The following DGKB variants were observed in gnomAD, a reference collection of about 807,000 sequenced individuals.
DGKB encodes 90 kDa diacylglycerol kinase.
DGKB carries 67 observed loss-of-function variants against 114.3 expected under a neutral mutation model. The ratio of observed to expected loss-of-function variants is 0.59; its 90% confidence interval spans 0.48 to 0.72. The LOEUF (loss-of-function observed/expected upper bound fraction) is 0.72. DGKB is among the 30% of genes least tolerant of loss of function. The pLI is 0.00. For synonymous variants in DGKB, 398 were observed against 323.1 expected (o/e 1.23, Z -2.49); for missense variants, 907 against 975.2 (o/e 0.93, Z 0.93).
intron 6 of DGKB, among the ~76,000 whole-genome samples, chr7:14,711,512 T>C (rs180883379): frequency 1.3e-5 from 2 of 152,172 alleles, no homozygotes; most frequent in African/African-American, 4.8e-5. Context: ...ACCACTATAG[T>C]AACAGTAAGA....
chr7:14,481,620 A>G (rs1783003456), intron 20 of DGKB, among the ~76,000 whole-genome samples: 1 of 151,990 alleles, frequency 6.6e-6, no homozygotes, highest in Non-Finnish European at 1.5e-5. Context: ...AATTTAGCCA[A>G]TTAGAAATGA....
intron 9 of DGKB, among the ~76,000 whole-genome samples, chr7:14,691,263 T>G (rs1490019852): frequency 1.3e-5 from 2 of 152,200 alleles, no homozygotes; most frequent in East Asian, 1.9e-4. Flanking sequence ...TCAAATACAC[T>G]GTGGTATTTT....
chr7:14,513,201 C>T (rs571159489), intron 20 of DGKB, among the ~76,000 whole-genome samples: 2 of 151,910 alleles, frequency 1.3e-5, no homozygotes, highest in East Asian at 3.9e-4. Context: ...AAGACAGAAC[C>T]CATACTTTAT....
At chr7:14,855,648 TCA>T (rs1850039576) in intron 1 of DGKB, among the ~76,000 whole-genome samples, 3 of 152,312 alleles carry the variant, frequency 2.0e-5, no homozygotes, top group Middle Eastern at 6.8e-3. Flanking sequence ...AAGGAAAGTC[TCA>T]GTTATTGCTT....
intron 23 of DGKB, among the ~76,000 whole-genome samples, chr7:14,275,607 G>T (rs979463835): frequency 6.6e-6 from 1 of 152,118 alleles, no homozygotes; most frequent in Non-Finnish European, 1.5e-5. Flanking sequence ...GTCTCTGCTC[G>T]CTAGAAAGGC....
chr7:14,911,348 G>A (rs890282569), intron 1 of DGKB, among the ~76,000 whole-genome samples: 3 of 152,032 alleles, frequency 2.0e-5, no homozygotes, highest in African/African-American at 7.2e-5. Flanking sequence ...ATATTCTGGT[G>A]TTGGAGTATA....
intron 6 of DGKB, among the ~76,000 whole-genome samples, chr7:14,706,977 T>C (rs1275823948): frequency 1.3e-5 from 2 of 148,286 alleles, no homozygotes; most frequent in African/African-American, 5.0e-5. Flanking sequence ...AGAGCAGAAC[T>C]GAAGGAAATA....
At chr7:14,880,227 A>G (rs10281892) in intron 1 of DGKB, among the ~76,000 whole-genome samples, 38,562 of 89,304 alleles carry the variant, frequency 0.43, 5,672 homozygotes, top group South Asian at 0.59. Context: ...TTGGGAGGCC[A>G]AGGCAGGCGG....
intron 1 of DGKB, among the ~76,000 whole-genome samples, chr7:14,844,851 A>G (rs1848419025): frequency 6.6e-6 from 1 of 152,176 alleles, no homozygotes; most frequent in Non-Finnish European, 1.5e-5. Context: ...TCAAGCCTGT[A>G]ATCCCAGCAC....
At chr7:14,635,128 A>G (rs1810486690) in intron 13 of DGKB, among the ~76,000 whole-genome samples, 1 of 151,488 alleles carries the variant, frequency 6.6e-6, no homozygotes. Context: ...TTCTCACCTG[A>G]CTCAAATTTT....
chr7:14,671,778 T>A (rs1039414117), intron 13 of DGKB, among the ~76,000 whole-genome samples: 5 of 152,036 alleles, frequency 3.3e-5, no homozygotes, highest in African/African-American at 1.2e-4. Context: ...TATTTCAAAA[T>A]AAGAATATAA....
At chr7:14,966,154 T>G (rs1159493290) in intron 1 of DGKB, among the ~76,000 whole-genome samples, 1 of 152,092 alleles carries the variant, frequency 6.6e-6, no homozygotes, top group East Asian at 1.9e-4. Flanking sequence ...CAACAGTCCA[T>G]GCTAACAATT....
chr7:14,278,599 T>C (rs1410981866), intron 23 of DGKB, among the ~76,000 whole-genome samples: 2 of 152,134 alleles, frequency 1.3e-5, no homozygotes, highest in African/African-American at 4.8e-5. Context: ...TTTGGGGATA[T>C]GACCCCCAAA....
At chr7:14,640,409 T>G (rs557839553) in intron 13 of DGKB, among the ~76,000 whole-genome samples, 1 of 152,090 alleles carries the variant, frequency 6.6e-6, no homozygotes, top group Admixed American at 6.5e-5. Context: ...CAAGATAAAA[T>G]GAGAGTAATG....
intron 8 of DGKB, 108 bp from the exon 9 acceptor site, chr7:14,694,302 C>T (rs1823431728): frequency 1.0e-6 from 1 of 989,754 alleles, no homozygotes. Flanking sequence ...GTTGGGATAA[C>T]TGTCTTGCTA....
At chr7:14,452,156 T>C (rs1831619920) in intron 21 of DGKB, among the ~76,000 whole-genome samples, 1 of 152,088 alleles carries the variant, frequency 6.6e-6, no homozygotes, top group Admixed American at 6.6e-5. Flanking sequence ...AGAACATGCA[T>C]GACATACATA....
chr7:14,161,998 G>A (rs1410888421), intron 25 of DGKB, among the ~76,000 whole-genome samples: 1 of 152,126 alleles, frequency 6.6e-6, no homozygotes, highest in African/African-American at 2.4e-5. Flanking sequence ...GAAGATCCCT[G>A]TGAAACAGTG....
chr7:14,309,966 A>G (rs1805101815), intron 23 of DGKB, among the ~76,000 whole-genome samples: 1 of 152,154 alleles, frequency 6.6e-6, no homozygotes, highest in African/African-American at 2.4e-5. Flanking sequence ...TATGATATTA[A>G]GATTTAAAAT....
At chr7:14,505,040 T>C (rs747652852) in intron 20 of DGKB, among the ~76,000 whole-genome samples, 6 of 152,176 alleles carry the variant, frequency 3.9e-5, no homozygotes, top group Admixed American at 2.0e-4. Flanking sequence ...AGCTCTACGG[T>C]GCTATCTCTT....
Sources: allele counts gnomAD v4.1 joint callset (sites outside exome capture counted in the v4.1 genomes callset), GRCh38; gene constraint gnomAD v4.1.1; transcripts MANE v1.5; gene names NCBI Gene and HGNC (gene_info 2026-07-23, HGNC 2026-07-21).